BTAF1: variants seen among roughly 807,000 people sequenced by gnomAD.
BTAF1 encodes TATA-binding protein-associated factor 172.
A neutral mutation model predicts 227.1 loss-of-function variants in BTAF1; 38 were observed. The ratio of observed to expected loss-of-function variants is 0.17; its 90% confidence interval spans 0.13 to 0.22. The LOEUF (loss-of-function observed/expected upper bound fraction) is 0.22, where lower values mean the gene tolerates loss of function less well. Ranked by LOEUF, BTAF1 falls within the 10% of genes least tolerant of loss-of-function variation. The pLI is 1.00. For synonymous variants in BTAF1, 742 were observed against 751.9 expected (o/e 0.99, Z 0.21); for missense variants, 1,598 against 2,204.0 (o/e 0.73, Z 5.51).
At chr10:91,937,800 A>T (rs2133802868) in intron 2 of BTAF1, among the ~76,000 whole-genome samples, 1 of 152,282 alleles carries the variant, frequency 6.6e-6, no homozygotes, top group African/African-American at 2.4e-5. Context: ...GAGTATATAT[A>T]TACCTGAGAG....
intron 4 of BTAF1, among the ~76,000 whole-genome samples, chr10:91,945,527 T>G (rs1004913630): frequency 6.6e-6 from 1 of 152,238 alleles, no homozygotes. Flanking sequence ...CTCATGTAAG[T>G]GAATCCTACA....
chr10:91,981,874 T>A, intron 16 of BTAF1, 82 bp downstream of exon 16: 1 of 1,439,824 alleles, frequency 6.9e-7, no homozygotes, highest in Non-Finnish European at 9.2e-7. Flanking sequence ...AAATCTGTAT[T>A]GCCTTAAGTG....
chr10:91,947,897 A>G (rs1252727341), intron 4 of BTAF1, among the ~76,000 whole-genome samples: 2 of 152,178 alleles, frequency 1.3e-5, no homozygotes, highest in Non-Finnish European at 1.5e-5. Context: ...ACTTGACAGA[A>G]TACAAGTTGC....
Position 91,996,384 on chromosome 10 carries a change from C to T in BTAF1, c.3325C>T (p.Pro1109Ser). The stretch of plus-strand genomic sequence containing the variant: ...TTGTTTTTAGTTGGTCCAGCATTTG[C>T]CACATCTTTATATGTGCCTTCAATA... ...ELHPLLVQHL[P>S]HLYMCLQYPS... Residue 1109 changes from proline (P) to serine (S), a missense_variant, in exon 24 of 38, where the codon CCA becomes TCA. This residue lies in a region of BTAF1 where 425 missense variants were observed against 491.2 expected (regional missense o/e 0.87). Coordinates refer to ENST00000265990, the MANE Select transcript of BTAF1 (RefSeq NM_003972.3). The T allele has an allele frequency of 1.2e-6, 2 of 1,613,932 alleles. No individual in the cohort carries two copies. Among genetic ancestry groups the T allele is most frequent in the Non-Finnish European group, 1.7e-6 (2 of 1,179,946 alleles).
At chr10:91,991,271 A>ATATATATATATGTATATATATATATATAT (rs1564699914) in intron 20 of BTAF1, among the ~76,000 whole-genome samples, 1 of 66,230 alleles carries the variant, frequency 1.5e-5, no homozygotes, top group South Asian at 5.8e-4. Flanking sequence ...TATAAATATA[A>ATATATATATATGTATATATATATATATAT]ATATATATAT....
At chr10:92,006,263 A>G (rs1363197342) in intron 25 of BTAF1, among the ~76,000 whole-genome samples, 1 of 152,242 alleles carries the variant, frequency 6.6e-6, no homozygotes, top group African/African-American at 2.4e-5. Context: ...AAAAGGGAGC[A>G]ATATTTTGAC....
intron 14 of BTAF1, among the ~76,000 whole-genome samples, chr10:91,974,094 G>C (rs1459668581): frequency 6.6e-6 from 1 of 152,140 alleles, no homozygotes; most frequent in East Asian, 1.9e-4. Flanking sequence ...AAACTCACCT[G>C]AATTACTAGT....
chr10:91,972,600 G>A (rs866584300), intron 14 of BTAF1, among the ~76,000 whole-genome samples: 5 of 152,244 alleles, frequency 3.3e-5, no homozygotes, highest in South Asian at 2.1e-4. Flanking sequence ...AAAGCTGTAC[G>A]AATAAACCAT....
Position 92,029,561 on chromosome 10 carries a change from G to C in BTAF1, c.*628G>C, listed in dbSNP as rs1851759419. 6.6e-6 allele frequency: 1 copy of C among 151,548 alleles called. No individual in the cohort carries two copies. Among genetic ancestry groups the C allele is most frequent in the Admixed American group, 6.6e-5 (1 of 15,230 alleles). The allele number at this position is 151,548 out of a possible 1,614,324, so 9.4% of individuals were successfully genotyped here. The stretch of plus-strand genomic sequence containing the variant: ...TATAATATCAACTATTCTAAATACA[G>C]GTAATGGTATATTTAAGGCTACCAT... On this transcript the variant is annotated 3_prime_UTR_variant, in exon 38 of 38. Transcript: ENST00000265990.
chr10:91,944,357 A>G (rs942213343), intron 4 of BTAF1, among the ~76,000 whole-genome samples: 1 of 152,170 alleles, frequency 6.6e-6, no homozygotes, highest in African/African-American at 2.4e-5. Context: ...ACCATATATG[A>G]TTAGTATACA....
chr10:91,925,516 C>CTTTTTTTTTTTTTT lies in BTAF1; in HGVS notation c.14+1439_14+1440insTTTTTTTTTTTTTT, dbSNP rs6144026. ...CCTAATTTTCGGGCAACGCTAATCTCTTTTTTTTTTTTTGAGAAGGAATCT... is the reference window on the plus strand; with the variant it reads ...CCTAATTTTCGGGCAACGCTAATCTCTTTTTTTTTTTTTTTTTTTTTTTTTTTGAGAAGGAATCT... On this transcript the variant is annotated intron_variant, in intron 1 of 37. Transcript: ENST00000265990. 2.4e-3 allele frequency among the ~76,000 whole-genome samples: 279 copies of CTTTTTTTTTTTTTT among 114,542 alleles called. 22 individuals are homozygous for CTTTTTTTTTTTTTT. Among genetic ancestry groups the CTTTTTTTTTTTTTT allele is most frequent in the East Asian group, 6.0e-3 (20 of 3,336 alleles). 75.1% of individuals were successfully genotyped at this position (114,542 alleles called of 152,430 possible).
intron 34 of BTAF1, 56 bp downstream of exon 34, chr10:92,018,991 TG>T: frequency 7.2e-7 from 1 of 1,385,628 alleles, no homozygotes. Flanking sequence ...TATAAATTCT[TG>T]GTAAATTTGC....
chr10:91,936,479 T>G (rs1844620256), intron 2 of BTAF1, among the ~76,000 whole-genome samples: 1 of 152,146 alleles, frequency 6.6e-6, no homozygotes, highest in African/African-American at 2.4e-5. Context: ...CCCCCTTTTT[T>G]CATTCTCATC....
At chr10:91,994,752 A>C in intron 23 of BTAF1, 108 bp downstream of exon 23, 1 of 902,164 alleles carries the variant, frequency 1.1e-6, no homozygotes, top group Non-Finnish European at 1.7e-6. Flanking sequence ...TATTAATTGC[A>C]TTTTTCTTTG....
intron 20 of BTAF1, among the ~76,000 whole-genome samples, chr10:91,991,787 GTGTGTGTGTGTATATATATA>G (rs1564700437): frequency 1.4e-4 from 3 of 20,722 alleles, no homozygotes; most frequent in African/African-American, 2.4e-4. Flanking sequence ...GTGTGTGTGT[GTGTGTGTGTGTATATATATA>G]TATATATATA....
intron 6 of BTAF1, 122 bp downstream of exon 6, chr10:91,953,995 T>C: frequency 1.5e-6 from 2 of 1,354,330 alleles, no homozygotes; most frequent in Non-Finnish European, 2.0e-6. Context: ...GTTTGGATTC[T>C]CTTACTCAAT....
chr10:92,020,916 T>G (rs1220091780), intron 34 of BTAF1, among the ~76,000 whole-genome samples: 1 of 152,206 alleles, frequency 6.6e-6, no homozygotes, highest in East Asian at 1.9e-4. Flanking sequence ...ATCTCTTATT[T>G]TAGAGTGTGC....
At chr10:91,965,618 A>G (rs1460266517) in intron 13 of BTAF1, among the ~76,000 whole-genome samples, 1 of 152,202 alleles carries the variant, frequency 6.6e-6, no homozygotes, top group African/African-American at 2.4e-5. Context: ...TTTGCTTCAT[A>G]TATTGTGATA....
At chr10:92,000,620 G>A (rs1468568534) in intron 25 of BTAF1, among the ~76,000 whole-genome samples, 1 of 152,122 alleles carries the variant, frequency 6.6e-6, no homozygotes, top group African/African-American at 2.4e-5. Flanking sequence ...GTGCAATGGT[G>A]TGATCTTGGC....
Sources: allele counts gnomAD v4.1 joint callset (sites outside exome capture counted in the v4.1 genomes callset), GRCh38; gene constraint gnomAD v4.1.1; regional missense constraint gnomAD v4.1.1; transcripts MANE v1.5; gene names NCBI Gene and HGNC (gene_info 2026-07-23, HGNC 2026-07-21).